Variants in CX3CR1 observed in about 807,000 individuals in gnomAD.
CX3CR1 encodes C-X3-C motif chemokine receptor 1, also known as CX3C chemokine receptor 1.
For synonymous variants in CX3CR1, 168 were observed against 178.5 expected, an observed-to-expected ratio of 0.94 and a Z score of 0.47; for missense variants, 363 against 432.4, an observed-to-expected ratio of 0.84 and a Z score of 1.42.
At chr3:39,282,624 A>G (rs1365514945), upstream of CX3CR1, among the ~76,000 whole-genome samples, 1 of 152,148 alleles carries the variant, frequency 6.6e-6, no homozygotes, top group Non-Finnish European at 1.5e-5. Flanking sequence ...CACCCATCAC[A>G]CAATGCAGGC....
upstream of CX3CR1, among the ~76,000 whole-genome samples, chr3:39,282,386 C>T (rs2040911649): frequency 6.6e-6 from 1 of 152,206 alleles, no homozygotes; most frequent in Non-Finnish European, 1.5e-5. Flanking sequence ...TCTGCCCAGC[C>T]CCTTTGGCTT....
At chr3:39,266,569 G>T in intron 1 of CX3CR1, 51 bp from the exon 2 acceptor site, 1 of 1,591,062 alleles carries the variant, frequency 6.3e-7, no homozygotes, top group Non-Finnish European at 8.6e-7. Flanking sequence ...GAGAAACAAA[G>T]TTGGAATTCT....
In CX3CR1 at chr3:39,266,471, C is replaced by A. The variant is rs41535248; in HGVS notation, c.39G>T (p.Glu13Asp). The change falls in exon 2 of 2, where the codon GAG becomes GAT. Residue 13 changes from glutamate (E) to aspartate (D), a missense_variant. Transcript: ENST00000399220. ...AACAGGCCTCAGCCAAATCATCGTA[C>A]TCAAAGTTTTCTGTCACTGATTCAG... Reference protein sequence around the residue: ...QFPESVTENFEYDDLAEACYI... With the variant: ...QFPESVTENFDYDDLAEACYI... 0.011 allele frequency: 18,554 copies of A among 1,614,024 alleles called. 161 individuals carry two copies. Among genetic ancestry groups the A allele is most frequent in the South Asian group, 0.023 (2,061 of 91,074 alleles).
the CX3CR1 span, among the ~76,000 whole-genome samples, chr3:39,292,648 G>T: frequency 3.3e-5 from 5 of 152,158 alleles, no homozygotes; most frequent in Admixed American, 2.6e-4. Context: ...TTATTATTTT[G>T]TTTAATCCTC....
At chr3:39,267,761 G>T (rs1361922347) in intron 1 of CX3CR1, among the ~76,000 whole-genome samples, 1 of 152,196 alleles carries the variant, frequency 6.6e-6, no homozygotes, top group African/African-American at 2.4e-5. Context: ...CAGCCCTATA[G>T]TTCACTTTGG....
chr3:39,270,093 C>T (rs748231562), intron 1 of CX3CR1, among the ~76,000 whole-genome samples: 4 of 152,224 alleles, frequency 2.6e-5, no homozygotes, highest in Non-Finnish European at 5.9e-5. Context: ...TCCCACTCTC[C>T]CTTGAAGATG....
chr3:39,279,904 T>C (rs2040877061), intron 1 of CX3CR1, 50 bp downstream of exon 1: 4 of 846,516 alleles, frequency 4.7e-6, no homozygotes, highest in South Asian at 5.4e-5. Flanking sequence ...CTATTAGCTG[T>C]CCACTGCTCC....
At chr3:39,292,161 G>GTGATGGTCAGGGACTCA in the CX3CR1 span, among the ~76,000 whole-genome samples, 2 of 152,262 alleles carry the variant, frequency 1.3e-5, no homozygotes, top group African/African-American at 4.8e-5. Flanking sequence ...CCCTGTGCAC[G>GTGATGGTCAGGGACTCA]TGATGGTCAG....
At chr3:39,289,154 A>G in the CX3CR1 span, among the ~76,000 whole-genome samples, 1 of 151,868 alleles carries the variant, frequency 6.6e-6, no homozygotes, top group African/African-American at 2.4e-5. Context: ...CTCCATCTAA[A>G]AAAAAAAAAA....
chr3:39,268,419 G>T (rs762133828), intron 1 of CX3CR1, among the ~76,000 whole-genome samples: 1 of 152,186 alleles, frequency 6.6e-6, no homozygotes, highest in African/African-American at 2.4e-5. Flanking sequence ...TATGACTCAA[G>T]CTAATATGTG....
upstream of CX3CR1, chr3:39,280,341 G>C: frequency 2.0e-6 from 2 of 985,454 alleles, no homozygotes; most frequent in South Asian, 9.4e-5. Context: ...TCAGGAAGCT[G>C]GGAGAGCTCA....
At chr3:39,292,765 G>T in the CX3CR1 span, among the ~76,000 whole-genome samples, 1 of 152,174 alleles carries the variant, frequency 6.6e-6, no homozygotes, top group East Asian at 1.9e-4. Flanking sequence ...GCTGCAGTCT[G>T]ACTCTGGAAC....
chr3:39,284,985 T>G (rs2040935034), upstream of CX3CR1, among the ~76,000 whole-genome samples: 1 of 152,116 alleles, frequency 6.6e-6, no homozygotes, highest in Non-Finnish European at 1.5e-5. Flanking sequence ...CTGGGAGATT[T>G]CAGAAGCAGA....
the CX3CR1 span, chr3:39,287,991 T>C: frequency 1.8e-5 from 2 of 108,934 alleles, no homozygotes; most frequent in African/African-American, 4.0e-5. Flanking sequence ...TGATTTAATG[T>C]GTGTGTGTGT....
chr3:39,282,349 C>A (rs2040910994), upstream of CX3CR1, among the ~76,000 whole-genome samples: 1 of 152,186 alleles, frequency 6.6e-6, no homozygotes, highest in Non-Finnish European at 1.5e-5. Context: ...CAGCCTTATT[C>A]CTTAGATCCC....
At chr3:39,275,177 A>G (rs2040825298) in intron 1 of CX3CR1, among the ~76,000 whole-genome samples, 1 of 152,234 alleles carries the variant, frequency 6.6e-6, no homozygotes, top group Non-Finnish European at 1.5e-5. Context: ...ACTTTTACAT[A>G]CTTTCTCCTC....
At chr3:39,269,130 T>C (rs1345641091) in intron 1 of CX3CR1, among the ~76,000 whole-genome samples, 2 of 150,510 alleles carry the variant, frequency 1.3e-5, no homozygotes, top group Admixed American at 1.3e-4. Flanking sequence ...GGATTAATAT[T>C]GATCTAATCC....
chr3:39,277,701 G>A (rs2040855450), intron 1 of CX3CR1, among the ~76,000 whole-genome samples: 1 of 152,130 alleles, frequency 6.6e-6, no homozygotes, highest in African/African-American at 2.4e-5. Flanking sequence ...CCTAGGGCCG[G>A]GCAGGCTTCC....
At chr3:39,278,653 T>G (rs1227598565) in intron 1 of CX3CR1, among the ~76,000 whole-genome samples, 3 of 112,398 alleles carry the variant, frequency 2.7e-5, no homozygotes, top group Non-Finnish European at 5.0e-5. Context: ...TTTTTTTCTT[T>G]TCTTTTTTTT....
Sources: gnomAD v4.1 joint callset for allele counts (sites outside exome capture counted in the v4.1 genomes callset) on GRCh38, gnomAD v4.1.1 for gene constraint, MANE v1.5 for transcripts, NCBI Gene and HGNC (gene_info 2026-07-23, HGNC 2026-07-21) for gene names.